Variants in ASIC2 observed in about 807,000 individuals in gnomAD.
ASIC2 encodes acid-sensing ion channel 2.
In ASIC2, 25 loss-of-function variants were observed where a neutral mutation model predicts 57.3. That is an observed-to-expected ratio of 0.44 (90% CI 0.32 to 0.61). ASIC2 has a LOEUF of 0.61. Among genes scored for constraint, ASIC2 ranks in the 20% least tolerant of loss-of-function variants. ASIC2 has a pLI of 0.06. For synonymous variants in ASIC2, 319 were observed against 307.5 expected, an observed-to-expected ratio of 1.04 and a Z score of -0.39; for missense variants, 641 against 738.1, an observed-to-expected ratio of 0.87 and a Z score of 1.52.
chr17:33,978,873 T>C (rs2065791622), intron 1 of ASIC2, among the ~76,000 whole-genome samples: 3 of 152,018 alleles, frequency 2.0e-5, no homozygotes, highest in Admixed American at 2.0e-4. Context: ...ACATGGGTCA[T>C]AGATAAAACC....
chr17:33,958,495 C>A (rs190298465), intron 1 of ASIC2, among the ~76,000 whole-genome samples: 1 of 152,300 alleles, frequency 6.6e-6, no homozygotes, highest in Non-Finnish European at 1.5e-5. Context: ...ACAGGACCAA[C>A]ACCACATGGA....
intron 1 of ASIC2, among the ~76,000 whole-genome samples, chr17:33,444,781 G>T (rs765634187): frequency 1.3e-5 from 2 of 152,210 alleles, no homozygotes; most frequent in Non-Finnish European, 2.9e-5. Context: ...CTCACCCCTA[G>T]CTGCCCTCTA....
intron 1 of ASIC2, among the ~76,000 whole-genome samples, chr17:33,573,817 C>T (rs1403341431): frequency 3.3e-5 from 5 of 152,194 alleles, no homozygotes; most frequent in East Asian, 1.9e-4. Context: ...CCACCCGCCT[C>T]GGCCTCCCAA....
chr17:33,067,360 G>T (rs1295312474), intron 3 of ASIC2, among the ~76,000 whole-genome samples: 1 of 152,156 alleles, frequency 6.6e-6, no homozygotes, highest in Non-Finnish European at 1.5e-5. Flanking sequence ...GGAAGGAAGT[G>T]TTGGATTTGT....
chr17:33,351,835 A>T (rs183424768), intron 1 of ASIC2, among the ~76,000 whole-genome samples: 10 of 152,290 alleles, frequency 6.6e-5, no homozygotes, highest in African/African-American at 2.4e-4. Flanking sequence ...AGGAAGAGAC[A>T]TGTAGATGTG....
chr17:34,067,507 T>A (rs184054907), intron 1 of ASIC2, among the ~76,000 whole-genome samples: 6 of 152,282 alleles, frequency 3.9e-5, no homozygotes, highest in African/African-American at 1.4e-4. Context: ...TGAATTGGAA[T>A]AGCTTTTTTA....
At chr17:33,642,725 C>G (rs951198674) in intron 1 of ASIC2, among the ~76,000 whole-genome samples, 3 of 152,116 alleles carry the variant, frequency 2.0e-5, no homozygotes, top group Non-Finnish European at 2.9e-5. Context: ...AATATCAACT[C>G]CCTCAATTAA....
At chr17:34,035,398 C>T (rs1416927122) in intron 1 of ASIC2, among the ~76,000 whole-genome samples, 1 of 146,940 alleles carries the variant, frequency 6.8e-6, no homozygotes, top group Non-Finnish European at 1.5e-5. Context: ...GGATTAAAGA[C>T]TTAAACGTTA....
At chr17:33,779,631 A>G (rs1466647234) in intron 1 of ASIC2, among the ~76,000 whole-genome samples, 1 of 152,140 alleles carries the variant, frequency 6.6e-6, no homozygotes, top group Non-Finnish European at 1.5e-5. Context: ...AAAGTGTGGG[A>G]GAAATAATAT....
At chr17:34,088,663 G>C (rs182199994) in intron 1 of ASIC2, among the ~76,000 whole-genome samples, 1,623 of 152,344 alleles carry the variant, frequency 0.011, 32 homozygotes, top group East Asian at 0.082. Context: ...AGGCAGGCAG[G>C]CCTCCTTGAG....
At chr17:33,232,688 T>C (rs1034660268) in intron 1 of ASIC2, among the ~76,000 whole-genome samples, 5 of 152,222 alleles carry the variant, frequency 3.3e-5, no homozygotes, top group African/African-American at 1.2e-4. Context: ...GCCATCATCA[T>C]TGTCAGGCCA....
intron 1 of ASIC2, among the ~76,000 whole-genome samples, chr17:33,901,458 T>C (rs1199338192): frequency 2.6e-5 from 4 of 152,130 alleles, no homozygotes; most frequent in Non-Finnish European, 4.4e-5. Flanking sequence ...GATTTTCTTC[T>C]TCCATTCCTC....
chr17:33,961,751 AG>A lies in ASIC2; in HGVS notation c.555+194226del, dbSNP rs1480725629. ...GGGACATATTTGGGAGGGAAAAAAAAGTCAACCAAAGGGAGTCAGGTAGCCC... is the reference window on the plus strand; with the variant it reads ...GGGACATATTTGGGAGGGAAAAAAAATCAACCAAAGGGAGTCAGGTAGCCC... On this transcript the variant is annotated intron_variant, in intron 1 of 9. Transcript: ENST00000359872. 6.6e-5 allele frequency among the ~76,000 whole-genome samples: 10 copies of A among 152,226 alleles called. 1 individual carries two copies. Among genetic ancestry groups the A allele is most frequent in the African/African-American group, 2.4e-4 (10 of 41,528 alleles).
chr17:33,331,439 T>TA (rs1907308448), intron 1 of ASIC2, among the ~76,000 whole-genome samples: 1 of 152,220 alleles, frequency 6.6e-6, no homozygotes, highest in African/African-American at 2.4e-5. Context: ...CTTTTGCTCT[T>TA]AAAACCACAG....
At position 33,506,170 on chromosome 17, in the gene ASIC2, A is replaced by G. The variant is rs1289396497; in HGVS notation, c.556-394103T>C. ...AGCACTTCGGGAGGCCGAGGCGGGC[A>G]GATCACGAGGTCAGGAGATTGAGAC... On this transcript the variant is annotated intron_variant, in intron 1 of 9. Coordinates refer to the ASIC2 transcript ENST00000359872. 2.0e-5 allele frequency among the ~76,000 whole-genome samples: 3 copies of G among 150,232 alleles called. No individual in the cohort carries two copies. In the South Asian group the frequency reaches 6.3e-4, roughly 32 times the overall value.
intron 1 of ASIC2, among the ~76,000 whole-genome samples, chr17:34,083,259 G>A (rs148006779): frequency 0.011 from 1,631 of 149,444 alleles, 26 homozygotes; most frequent in African/African-American, 0.038. Context: ...ACCTATGAGT[G>A]AGAATATGCG....
intron 1 of ASIC2, among the ~76,000 whole-genome samples, chr17:34,141,974 C>T (rs1187585391): frequency 6.6e-6 from 1 of 152,106 alleles, no homozygotes; most frequent in Non-Finnish European, 1.5e-5. Flanking sequence ...ACTTGAGCTC[C>T]CAGGAGTTTG....
intron 3 of ASIC2, among the ~76,000 whole-genome samples, chr17:33,040,507 G>A (rs1370596476): frequency 6.6e-6 from 1 of 152,232 alleles, no homozygotes; most frequent in Non-Finnish European, 1.5e-5. Flanking sequence ...CAAAGTCTTT[G>A]AGTCTACATA....
At chr17:34,118,921 C>G (rs1033433015) in intron 1 of ASIC2, 1 of 152,234 alleles carries the variant, frequency 6.6e-6, no homozygotes, top group Non-Finnish European at 1.5e-5. Context: ...ACTCTGCTGA[C>G]AGACAGATGA....
Sources: allele counts gnomAD v4.1 joint callset (sites outside exome capture counted in the v4.1 genomes callset), GRCh38; gene constraint gnomAD v4.1.1; transcripts MANE v1.5; gene names NCBI Gene and HGNC (gene_info 2026-07-23, HGNC 2026-07-21).